NUP205: variants seen among roughly 807,000 people sequenced by gnomAD.
NUP205 encodes the protein nuclear pore complex protein Nup205.
NUP205 carries 76 observed loss-of-function variants against 253.8 expected under a neutral mutation model. The observed-to-expected ratio is 0.30, with a 90% CI of 0.25 to 0.36. NUP205 has a LOEUF of 0.36. NUP205 is among the 10% of genes least tolerant of loss of function. The pLI is 1.00. For synonymous variants in NUP205, 832 were observed against 850.1 expected (o/e 0.98, Z 0.37); for missense variants, 2,162 against 2,425.5 (o/e 0.89, Z 2.28).
chr7:135,640,248 T>G (rs931835824), intron 38 of NUP205, among the ~76,000 whole-genome samples: 6 of 152,170 alleles, frequency 3.9e-5, no homozygotes, highest in African/African-American at 9.7e-5. Flanking sequence ...ATATATTAGT[T>G]TAGCAACATT....
intron 1 of NUP205, among the ~76,000 whole-genome samples, chr7:135,568,641 A>C (rs79311309): frequency 0.025 from 3,815 of 152,204 alleles, 80 homozygotes; most frequent in South Asian, 0.077. Context: ...TTAGTATTTT[A>C]TATAATACTT....
rs200236485 is a variant in NUP205 at position 135,630,393 on chromosome 7, G to A, written c.4982G>A (p.Arg1661His). The A allele has an allele frequency of 1.4e-4, 229 of 1,608,950 alleles. No homozygotes were observed. Among genetic ancestry groups the A allele is most frequent in the Non-Finnish European group, 1.8e-4 (213 of 1,177,166 alleles). ...TCTGATACCATACAAGCAATTCTGC[G>A]CTGTCAGGATGTTAGTGCTGGGTCT... ...SHSDTIQAIL[R>H]CQDVSAGSLQ... The change falls in exon 35 of 43, where the codon CGC becomes CAC. Residue 1661 changes from arginine to histidine, a missense_variant. Coordinates refer to ENST00000285968, the MANE Select transcript of NUP205 (RefSeq NM_015135.3).
At chr7:135,630,196 T>C (rs1794679969) in intron 34 of NUP205, 148 bp from the exon 35 acceptor site, 2 of 379,830 alleles carry the variant, frequency 5.3e-6, no homozygotes, top group Non-Finnish European at 8.9e-6. Flanking sequence ...TCCTCACTTA[T>C]TGTGAGGCTG....
At chr7:135,588,604 A>G (rs1806537216) in intron 10 of NUP205, among the ~76,000 whole-genome samples, 1 of 150,746 alleles carries the variant, frequency 6.6e-6, no homozygotes, top group East Asian at 1.9e-4. Context: ...TTTAAAAGAC[A>G]GGGCCTTGCT....
intron 8 of NUP205, among the ~76,000 whole-genome samples, chr7:135,586,512 G>T (rs1806469123): frequency 6.6e-6 from 1 of 151,992 alleles, no homozygotes; most frequent in East Asian, 1.9e-4. Context: ...TATAAGCTTA[G>T]ATTATTGATT....
intron 12 of NUP205, 23 bp from the exon 13 acceptor site, chr7:135,594,524 A>G (rs374115666): frequency 2.6e-6 from 4 of 1,557,584 alleles, no homozygotes; most frequent in Non-Finnish European, 2.6e-6. Context: ...GGAAAGTCTC[A>G]TTCTTTTTGT....
chr7:135,606,036 G>T, intron 19 of NUP205, 109 bp from the exon 20 acceptor site: 1 of 728,176 alleles, frequency 1.4e-6, no homozygotes, highest in Admixed American at 2.2e-5. Context: ...ACCTAAGCAG[G>T]TTTGCCTATT....
chr7:135,612,394 A>G (rs979984903), intron 22 of NUP205, among the ~76,000 whole-genome samples: 2 of 152,214 alleles, frequency 1.3e-5, no homozygotes, highest in Non-Finnish European at 2.9e-5. Flanking sequence ...CTCATAGCCA[A>G]CAGCACTATA....
chr7:135,601,616 T>G, intron 17 of NUP205, 109 bp downstream of exon 17: 1 of 1,209,642 alleles, frequency 8.3e-7, no homozygotes, highest in Non-Finnish European at 1.2e-6. Context: ...CACTGTAAGA[T>G]TCTCTCTCTG....
At chr7:135,639,226 G>A (rs1794873654) in intron 38 of NUP205, among the ~76,000 whole-genome samples, 1 of 152,046 alleles carries the variant, frequency 6.6e-6, no homozygotes, top group South Asian at 2.1e-4. Flanking sequence ...GTATCTTGGT[G>A]GGGATAATGG....
rs1168414056 is a variant in NUP205, at chr7:135,616,015, A to G, written c.3410A>G (p.Gln1137Arg). Reference sequence around the variant, plus strand: ...CTGAATCGTCAGCGGTCACATACCCAGAGGCTCCTACACCTCTTACTGGAT... The same window carrying G: ...CTGAATCGTCAGCGGTCACATACCCGGAGGCTCCTACACCTCTTACTGGAT... ...TSLNRQRSHT[Q>R]RLLHLLLDDM... is the part of the protein sequence containing the mutation. Residue 1137 changes from glutamine (Q) to arginine (R), a missense_variant, in exon 24 of 43, where the codon CAG becomes CGG. Gln to Arg is a conservative substitution (Grantham distance 43). Around this residue, in one of 5 missense-constraint regions of NUP205, gnomAD observed 1,144 missense variants for 1,280.9 expected, o/e 0.89. Transcript: ENST00000285968. 2 of 1,613,786 alleles carry G rather than the reference A, an allele frequency of 1.2e-6. No individual in the cohort carries two copies. The highest frequency in any genetic ancestry group is 1.7e-6 in the Non-Finnish European group (2 of 1,179,836).
chr7:135,564,101 CGAGG>C (rs1805674377), intron 1 of NUP205, among the ~76,000 whole-genome samples: 1 of 151,378 alleles, frequency 6.6e-6, no homozygotes, highest in South Asian at 2.1e-4. Context: ...TTCTTTGAGA[CGAGG>C]TTTCACTCTG....
chr7:135,563,470 G>A (rs928997126), intron 1 of NUP205, among the ~76,000 whole-genome samples: 5 of 152,122 alleles, frequency 3.3e-5, no homozygotes, highest in Admixed American at 1.3e-4. Context: ...TTACAGGCGT[G>A]AGCCACTGTG....
intron 1 of NUP205, among the ~76,000 whole-genome samples, chr7:135,569,673 T>A (rs1395025383): frequency 6.6e-6 from 1 of 152,070 alleles, no homozygotes; most frequent in African/African-American, 2.4e-5. Context: ...TGTAAAGAGC[T>A]TAGGGCCATG....
intron 7 of NUP205, among the ~76,000 whole-genome samples, chr7:135,580,584 T>G (rs1378971920): frequency 6.6e-6 from 1 of 152,048 alleles, no homozygotes; most frequent in Non-Finnish European, 1.5e-5. Flanking sequence ...TGCCTCAGCC[T>G]CCGGAGTACC....
chr7:135,583,212 G>T (rs1177286526), intron 7 of NUP205, among the ~76,000 whole-genome samples: 1 of 152,104 alleles, frequency 6.6e-6, no homozygotes, highest in African/African-American at 2.4e-5. Context: ...ATGTACTTAC[G>T]GTAACAGACT....
In NUP205 at chr7:135,619,887, A is replaced by C; in HGVS notation, c.4329A>C (p.Ala1443=). ...CTGATGAACCAGACACCTTAGAAGC[A>C]GGTAGAATGAGATCAATTCCTAATC... The part of the protein sequence containing the change: ...QRPDEPDTLE[A]AKKTMWERLT... The change falls in exon 30 of 43, where the codon GCA becomes GCC. Residue 1443 remains alanine (A), a splice_region_variant and synonymous_variant. Coordinates refer to ENST00000285968, the MANE Select transcript of NUP205 (RefSeq NM_015135.3). The C allele has an allele frequency of 6.3e-7, 1 of 1,578,082 alleles. No individual in the cohort carries two copies. Among genetic ancestry groups the C allele is most frequent in the Non-Finnish European group, 8.7e-7 (1 of 1,151,474 alleles).
intron 18 of NUP205, 44 bp from the exon 19 acceptor site, chr7:135,604,296 A>G (rs1794036815): frequency 1.9e-6 from 3 of 1,545,942 alleles, no homozygotes; most frequent in African/African-American, 1.4e-5. Context: ...GTGAGACACC[A>G]AAAATTTTAT....
In NUP205 at chr7:135,604,372, T is replaced by C. The variant is rs1185917090; in HGVS notation, c.2735T>C (p.Leu912Ser). The C allele has an allele frequency of 6.2e-7, 1 of 1,612,772 alleles. No individual in the cohort carries two copies. Among genetic ancestry groups the C allele is most frequent in the East Asian group, 2.2e-5 (1 of 44,844 alleles). ...TATCATGGCAATACTAATCCAGAATTGGCTTTTGAAAGTGCCAAGATCCTC... is the reference window on the plus strand; with the variant it reads ...TATCATGGCAATACTAATCCAGAATCGGCTTTTGAAAGTGCCAAGATCCTC... ...YLYHGNTNPELAFESAKILCC... is the reference protein window; with the variant it reads ...YLYHGNTNPESAFESAKILCC... Residue 912 changes from leucine to serine, a missense_variant, in exon 19 of 43, where the codon TTG becomes TCG. Leu to Ser is a moderately radical substitution (Grantham distance 145). Transcript: ENST00000285968.
Sources: allele counts gnomAD v4.1 joint callset (sites outside exome capture counted in the v4.1 genomes callset), GRCh38; gene constraint gnomAD v4.1.1; regional missense constraint gnomAD v4.1.1; transcripts MANE v1.5; gene names NCBI Gene and HGNC (gene_info 2026-07-23, HGNC 2026-07-21).